Variants in ARID1B observed in about 807,000 individuals in gnomAD.
ARID1B encodes the protein AT-rich interactive domain-containing protein 1B.
Under a neutral mutation model 212.3 loss-of-function variants are expected in ARID1B, and 30 were observed. The observed-to-expected ratio is 0.14, with a 90% CI of 0.11 to 0.19. ARID1B has a LOEUF of 0.19. ARID1B is among the 10% of genes least tolerant of loss of function. The pLI is 1.00. For missense variants in ARID1B, 2,891 were observed against 3,204.0 expected (o/e 0.90, Z 2.36); for synonymous variants, 1,402 against 1,301.7 (o/e 1.08, Z -1.66).
At chr6:156,974,521 CAT>C (rs1428703751) in intron 4 of ARID1B, among the ~76,000 whole-genome samples, 3 of 152,128 alleles carry the variant, frequency 2.0e-5, no homozygotes, top group African/African-American at 7.2e-5. Context: ...TCCTTGAAAA[CAT>C]AACGCAGAAC....
At chr6:156,891,975 G>A (rs1190366649) in intron 2 of ARID1B, among the ~76,000 whole-genome samples, 2 of 149,368 alleles carry the variant, frequency 1.3e-5, no homozygotes, top group African/African-American at 4.9e-5. Context: ...CGGTTCAAGC[G>A]ATTCTCCTGC....
At chr6:157,188,663 G>A (rs374689931) in intron 13 of ARID1B, among the ~76,000 whole-genome samples, 32 of 152,298 alleles carry the variant, frequency 2.1e-4, no homozygotes, top group East Asian at 1.5e-3. Context: ...TGAGGGCAGG[G>A]GTTGTTGTCT....
chr6:157,077,596 C>T lies in ARID1B; in HGVS notation c.2248-7066C>T, dbSNP rs547475236. Among the ~76,000 whole-genome samples the T allele has an allele frequency of 5.9e-5, 9 of 152,292 alleles. No homozygotes were observed. In the South Asian group the frequency reaches 1.7e-3, roughly 28 times the overall value. ...CCAAGTGCCCCTTCCCACCAGCTGT[C>T]CTAGAGTATCCTTTACTCCTGGTTT... is the stretch of plus-strand genomic sequence containing the variant. On this transcript the variant is annotated intron_variant, in intron 4 of 19. Coordinates refer to ENST00000636930, the MANE Select transcript of ARID1B (RefSeq NM_001374828.1).
intron 3 of ARID1B, among the ~76,000 whole-genome samples, chr6:156,916,273 A>G (rs925645947): frequency 6.6e-6 from 1 of 152,026 alleles, no homozygotes; most frequent in African/African-American, 2.4e-5. Flanking sequence ...TACCATTACC[A>G]TTTCTTGTCT....
At chr6:156,876,524 G>A (rs547428021) in intron 2 of ARID1B, among the ~76,000 whole-genome samples, 11 of 152,330 alleles carry the variant, frequency 7.2e-5, no homozygotes, top group African/African-American at 2.4e-4. Flanking sequence ...TACTCATGGT[G>A]TTTCTTTTCC....
chr6:156,826,721 C>G (rs185395930), intron 1 of ARID1B, among the ~76,000 whole-genome samples: 1 of 152,054 alleles, frequency 6.6e-6, no homozygotes, highest in Non-Finnish European at 1.5e-5. Context: ...CTGTCCTTGC[C>G]GAGCACAGCA....
chr6:156,991,118 A>G (rs1778250502), intron 4 of ARID1B, among the ~76,000 whole-genome samples: 1 of 152,234 alleles, frequency 6.6e-6, no homozygotes, highest in African/African-American at 2.4e-5. Context: ...ACTGTTGCAC[A>G]GTTGGTACAC....
At position 156,779,312 on chromosome 6, in the gene ARID1B, G is replaced by A; in HGVS notation, c.1632G>A (p.Gly544=). ...SQPQSQAAAA[G]AAAGGQQAAA... is the part of the protein sequence containing the mutation. ...CCCAGTCCCAGGCGGCGGCGGCGGG[G>A]GCGGCGGCGGGCGGCCAGCAGGCGG... The change falls in exon 1 of 20, where the codon GGG becomes GGA. Residue 544 remains glycine, a synonymous_variant. Transcript: ENST00000636930. The A allele has an allele frequency of 2.6e-6, 3 of 1,139,584 alleles. No homozygotes were observed. The highest frequency in any genetic ancestry group is 3.7e-4 in the Middle Eastern group (1 of 2,716). 70.6% of individuals were successfully genotyped at this position (1,139,584 alleles called of 1,614,324 possible).
intron 2 of ARID1B, among the ~76,000 whole-genome samples, chr6:156,861,860 G>A (rs1442547439): frequency 1.3e-5 from 2 of 152,164 alleles, no homozygotes; most frequent in East Asian, 3.9e-4. Flanking sequence ...AGTGACAAGG[G>A]AGTGACCCTG....
rs558398918 is a variant in ARID1B, at chr6:156,836,823, C to T, written c.1986+7402C>T. ...GGGACTACAGGTACATGCCACCACA[C>T]CCAGCTAATTTTTAATATTTTTGTA... On this transcript the variant is annotated intron_variant, in intron 2 of 19. Transcript: ENST00000636930. Among the ~76,000 whole-genome samples, 5 of 152,268 alleles carry T rather than the reference C, an allele frequency of 3.3e-5. No individual in the cohort carries two copies. In the East Asian group the frequency reaches 9.7e-4, roughly 29 times the overall value.
At chr6:156,951,398 T>C (rs1474870236) in intron 4 of ARID1B, among the ~76,000 whole-genome samples, 1 of 152,122 alleles carries the variant, frequency 6.6e-6, no homozygotes, top group East Asian at 1.9e-4. Flanking sequence ...AGGGGAAAAA[T>C]TGGGATTACC....
intron 4 of ARID1B, among the ~76,000 whole-genome samples, chr6:157,005,196 C>T (rs1436893507): frequency 6.6e-6 from 1 of 151,778 alleles, no homozygotes; most frequent in Non-Finnish European, 1.5e-5. Context: ...CTCTGTCGCC[C>T]AGGCTGGAAT....
intron 1 of ARID1B, among the ~76,000 whole-genome samples, chr6:156,828,259 G>A (rs569707353): frequency 6.6e-6 from 1 of 152,140 alleles, no homozygotes; most frequent in East Asian, 1.9e-4. Context: ...ACAGGGTCTT[G>A]TGATGTTGCC....
Position 157,184,306 on chromosome 6 carries a change from C to G in ARID1B, c.3790C>G (p.Leu1264Val), listed in dbSNP as rs1185485681. 6.2e-7 allele frequency: 1 copy of G among 1,614,160 alleles called. No individual in the cohort carries two copies. Among genetic ancestry groups the G allele is most frequent in the Admixed American group, 1.7e-5 (1 of 60,024 alleles). ...VGTSSSAASSLKKQYIQYLFA... is the reference protein window; with the variant it reads ...VGTSSSAASSVKKQYIQYLFA... ...CACCTCAAGCAGTGCAGCGAGCTCC[C>G]TGAAAAAGCAGTATATTCAGTACCT... The change falls in exon 13 of 20, where the codon CTG becomes GTG. Residue 1264 changes from leucine to valine, a missense_variant. Coordinates refer to ENST00000636930, the MANE Select transcript of ARID1B (RefSeq NM_001374828.1).
At chr6:156,933,023 A>ATTTT (rs1056310664) in intron 3 of ARID1B, among the ~76,000 whole-genome samples, 1 of 152,122 alleles carries the variant, frequency 6.6e-6, no homozygotes, top group African/African-American at 2.4e-5. Context: ...GCCACAATAC[A>ATTTT]TTTTTCTGAT....
At chr6:157,029,853 G>A (rs568161349) in intron 4 of ARID1B, among the ~76,000 whole-genome samples, 12 of 152,286 alleles carry the variant, frequency 7.9e-5, no homozygotes, top group Admixed American at 2.0e-4. Context: ...TTAATTTTAC[G>A]GTCTTGGAAG....
At chr6:156,867,467 T>C (rs1377152873) in intron 2 of ARID1B, among the ~76,000 whole-genome samples, 1 of 152,188 alleles carries the variant, frequency 6.6e-6, no homozygotes, top group Non-Finnish European at 1.5e-5. Context: ...AGTACACTGT[T>C]TCCTGTGGAA....
intron 5 of ARID1B, among the ~76,000 whole-genome samples, chr6:157,105,015 AGAG>A (rs1192576755): frequency 6.6e-6 from 1 of 152,232 alleles, no homozygotes; most frequent in Non-Finnish European, 1.5e-5. Flanking sequence ...GTGGAACAGA[AGAG>A]GAAGTCCAGA....
chr6:157,090,952 G>A (rs1785240271), intron 5 of ARID1B, among the ~76,000 whole-genome samples: 1 of 152,128 alleles, frequency 6.6e-6, no homozygotes, highest in South Asian at 2.1e-4. Context: ...TCCTGCCTGG[G>A]GTAGCCGCCT....
Sources: gnomAD v4.1 joint callset for allele counts (sites outside exome capture counted in the v4.1 genomes callset) on GRCh38, gnomAD v4.1.1 for gene constraint, MANE v1.5 for transcripts, NCBI Gene and HGNC (gene_info 2026-07-23, HGNC 2026-07-21) for gene names.